Variants in SCN10A observed in about 807,000 individuals in gnomAD.
SCN10A encodes the protein sodium channel protein type 10 subunit alpha.
A neutral mutation model predicts 170.7 loss-of-function variants in SCN10A; 162 were observed. That is an observed-to-expected ratio of 0.95 (90% CI 0.84 to 1.08). The LOEUF is 1.08. Among genes scored for constraint, SCN10A ranks in the 50% least tolerant of loss-of-function variants. The probability of loss-of-function intolerance (pLI) is 0.00; values close to 1 mark genes in which losing one functional copy is unlikely to be tolerated. For missense variants in SCN10A, 2,527 were observed against 2,436.9 expected, an observed-to-expected ratio of 1.04 and a Z score of -0.78; for synonymous variants, 985 against 904.6, an observed-to-expected ratio of 1.09 and a Z score of -1.59.
chr3:38,744,291 A>G (rs983204458), intron 13 of SCN10A, among the ~76,000 whole-genome samples: 1 of 152,140 alleles, frequency 6.6e-6, no homozygotes, highest in African/African-American at 2.4e-5. Context: ...CATAGTTGTC[A>G]TTGCATACAC....
At chr3:38,807,217 A>G (rs1048564061) in intron 1 of SCN10A, among the ~76,000 whole-genome samples, 48 of 152,180 alleles carry the variant, frequency 3.2e-4, no homozygotes, top group Non-Finnish European at 2.5e-4. Context: ...AATGTAGATA[A>G]TTATTTGCCA....
rs1397596476 is a variant in SCN10A at position 38,697,326 on chromosome 3, A to G, written c.*23T>C. On this transcript the variant is annotated 3_prime_UTR_variant, in exon 28 of 28. Coordinates refer to ENST00000449082, the MANE Select transcript of SCN10A (RefSeq NM_006514.4). Reference sequence around the variant, plus strand: ...GCAGAAGGACGCATCATAACTGAACATATCCAGGCTGGAGTGTTCTCACTA... The same window carrying G: ...GCAGAAGGACGCATCATAACTGAACGTATCCAGGCTGGAGTGTTCTCACTA... 6 of 1,609,186 alleles carry G rather than the reference A, an allele frequency of 3.7e-6. No individual in the cohort carries two copies. Among genetic ancestry groups the G allele is most frequent in the Non-Finnish European group, 5.1e-6 (6 of 1,176,552 alleles).
chr3:38,725,077 G>A, intron 18 of SCN10A, 97 bp downstream of exon 18: 1 of 1,217,816 alleles, frequency 8.2e-7, no homozygotes. Context: ...GTGCAGTCTG[G>A]AATACCCCAC....
In SCN10A at chr3:38,752,521, T is replaced by C. The variant is rs2063760872; in HGVS notation, c.1462-9A>G. The C allele has an allele frequency of 6.4e-7, 1 of 1,555,318 alleles. No individual in the cohort carries two copies. Among genetic ancestry groups the C allele is most frequent in the African/African-American group, 1.4e-5 (1 of 72,924 alleles). On this transcript the variant is annotated splice_polypyrimidine_tract_variant and intron_variant, in intron 11 of 27. Transcript: ENST00000449082. ...GCGAGGCCTAGAAAAGACTGGGCAT[T>C]GCCCCAAAGGAGCAAGAAGGCTGGA...
intron 21 of SCN10A, among the ~76,000 whole-genome samples, chr3:38,714,831 A>G (rs2063313833): frequency 6.6e-6 from 1 of 152,168 alleles, no homozygotes. Flanking sequence ...CTTACATGAA[A>G]AAAGTTCCCC....
Position 38,771,341 on chromosome 3 carries a change from T to C in SCN10A, c.537A>G (p.Leu179=). The change falls in exon 5 of 28, where the codon CTA becomes CTG. Residue 179 remains leucine (L), a synonymous_variant. Transcript: ENST00000449082. The stretch of plus-strand genomic sequence containing the variant: ...GATCTCTCAGGTACGTGAACTCATT[T>C]AGACAAAATCCTCTTGCCAGTATCT... ...LIKILARGFC[L]NEFTYLRDPW... 2.5e-6 allele frequency: 4 copies of C among 1,614,156 alleles called. No individual in the cohort carries two copies. The highest frequency in any genetic ancestry group is 3.4e-6 in the Non-Finnish European group (4 of 1,180,006).
At chr3:38,783,450 C>T (rs1322581453) in intron 4 of SCN10A, among the ~76,000 whole-genome samples, 20 of 151,962 alleles carry the variant, frequency 1.3e-4, no homozygotes, top group Admixed American at 1.1e-3. Flanking sequence ...TATAAATGAA[C>T]CTTGTTTATG....
intron 22 of SCN10A, 29 bp from the exon 23 acceptor site, chr3:38,712,474 C>G: frequency 6.2e-7 from 1 of 1,603,792 alleles, no homozygotes; most frequent in Admixed American, 1.7e-5. Flanking sequence ...AGACCTGGAA[C>G]CTCCCAATGC....
Position 38,698,457 on chromosome 3 carries a change from C to T in SCN10A, c.4763G>A (p.Arg1588Gln), listed in dbSNP as rs376439863. 28 of 1,613,968 alleles carry T rather than the reference C, an allele frequency of 1.7e-5. No homozygotes were observed. The highest frequency in any genetic ancestry group is 2.2e-5 in the East Asian group (1 of 44,896). ...CAGTGTGCGGATCCCCTTGGCCGCT[C>T]GGATCAGTCTGAGGATGCGGCCAAT... The part of the protein sequence containing the change: ...ARIGRILRLI[R>Q]AAKGIRTLLF... Residue 1588 changes from arginine to glutamine, a missense_variant, in exon 28 of 28, where the codon CGA becomes CAA. Transcript: ENST00000449082.
At chr3:38,742,636 A>C in intron 13 of SCN10A, 107 bp from the exon 14 acceptor site, 1 of 814,040 alleles carries the variant, frequency 1.2e-6, no homozygotes, top group Non-Finnish European at 2.1e-6. Flanking sequence ...ACCACCTCCA[A>C]CATTTTGACT....
intron 5 of SCN10A, 91 bp downstream of exon 5, chr3:38,771,188 C>T (rs189487117): frequency 2.4e-5 from 35 of 1,439,206 alleles, no homozygotes; most frequent in Admixed American, 2.0e-4. Context: ...ACACTCTGTC[C>T]AAGTGGGACC....
chr3:38,800,522 G>A (rs377092118), intron 1 of SCN10A, among the ~76,000 whole-genome samples: 19 of 152,318 alleles, frequency 1.2e-4, no homozygotes, highest in African/African-American at 4.6e-4. Flanking sequence ...CACAGTCTTA[G>A]GGCCTGGATG....
At chr3:38,754,265 G>A (rs1312462182) in intron 11 of SCN10A, among the ~76,000 whole-genome samples, 1 of 152,156 alleles carries the variant, frequency 6.6e-6, no homozygotes, top group Admixed American at 6.5e-5. Context: ...CATAAGAGTG[G>A]ATGTTTCTTC....
At position 38,792,088 on chromosome 3, in the gene SCN10A, G is replaced by A; in HGVS notation, c.351C>T (p.Asn117=). The change falls in exon 3 of 28, where the codon AAC becomes AAT. Residue 117 remains asparagine (N), a synonymous_variant. Transcript: ENST00000449082. The part of the protein sequence containing the change: ...TRALWLFSPF[N]LIRRTAIKVS... The stretch of plus-strand genomic sequence containing the variant: ...CTTTGATGGCCGTTCTTCTGATCAG[G>A]TTGAAAGGACTGAATAGCCACAGGG... 2 of 1,613,824 alleles carry A rather than the reference G, an allele frequency of 1.2e-6. No homozygotes were observed. Among genetic ancestry groups the A allele is most frequent in the Non-Finnish European group, 1.7e-6 (2 of 1,179,818 alleles).
rs1192005964 is a variant in SCN10A, at chr3:38,726,753, G to A, written c.2940C>T (p.Pro980=). The change falls in exon 17 of 28, where the codon CCC becomes CCT. Residue 980 remains proline (P), a synonymous_variant. Transcript: ENST00000449082. ...SSGGLQAPRG[P]RDEHSDFIAN... is the part of the protein sequence containing the mutation. ...CGATGAAGTCACTGTGCTCATCCCT[G>A]GGGCCTCTGGGAGCTTGGAGCCCTC... The A allele has an allele frequency of 6.2e-7, 1 of 1,612,372 alleles. No individual in the cohort carries two copies. Among genetic ancestry groups the A allele is most frequent in the South Asian group, 1.1e-5 (1 of 91,044 alleles).
intron 1 of SCN10A, 118 bp downstream of exon 1, chr3:38,815,919 A>G (rs963623324): frequency 6.6e-6 from 1 of 152,232 alleles, no homozygotes; most frequent in African/African-American, 2.4e-5. Context: ...ATATTAAAAC[A>G]TCCCACAAAA....
At chr3:38,762,152 A>C (rs1008575227) in intron 6 of SCN10A, among the ~76,000 whole-genome samples, 1 of 152,218 alleles carries the variant, frequency 6.6e-6, no homozygotes, top group Non-Finnish European at 1.5e-5. Context: ...AGCTCTGACC[A>C]GGGAAGCAAT....
Position 38,697,461 on chromosome 3 carries a change from G to T in SCN10A, c.5759C>A (p.Ser1920Tyr). The T allele has an allele frequency of 6.2e-7, 1 of 1,614,190 alleles. No homozygotes were observed. The change falls in exon 28 of 28, where the codon TCC becomes TAC. Residue 1920 changes from serine (S) to tyrosine (Y), a missense_variant. By Grantham distance (144) the Ser-to-Tyr change is moderately radical. Coordinates refer to ENST00000449082, the MANE Select transcript of SCN10A (RefSeq NM_006514.4). ...AAGGCCTCTAGTGACACTCTCATAG[G>T]ACGGTGGGAATGATGTGGCAGAAGC... The part of the protein sequence containing the change: ...ETASATSFPP[S>Y]YESVTRGLSD...
intron 27 of SCN10A, among the ~76,000 whole-genome samples, chr3:38,700,745 G>C (rs1482973876): frequency 1.3e-5 from 2 of 152,192 alleles, no homozygotes; most frequent in African/African-American, 4.8e-5. Flanking sequence ...CTGTTAAGTT[G>C]TATTTAGATA....
Sources: allele counts gnomAD v4.1 joint callset (sites outside exome capture counted in the v4.1 genomes callset), GRCh38; gene constraint gnomAD v4.1.1; transcripts MANE v1.5; gene names NCBI Gene and HGNC (gene_info 2026-07-23, HGNC 2026-07-21).